DMXL1: variants seen among roughly 807,000 people sequenced by gnomAD.
DMXL1 encodes Dmx like 1, also known as dmX-like protein 1.
A neutral mutation model predicts 319.2 loss-of-function variants in DMXL1; 99 were observed. The ratio of observed to expected loss-of-function variants is 0.31; its 90% CI spans 0.26 to 0.37. The LOEUF is 0.37. Ranked by LOEUF, DMXL1 falls within the 10% of genes least tolerant of loss-of-function variation. The probability of loss-of-function intolerance (pLI) is 1.00; values close to 1 mark genes in which losing one functional copy is unlikely to be tolerated. For synonymous variants in DMXL1, 1,385 were observed against 1,235.2 expected (o/e 1.12, Z -2.54); for missense variants, 3,745 against 3,595.6 (o/e 1.04, Z -1.06).
intron 37 of DMXL1, among the ~76,000 whole-genome samples, chr5:119,223,474 G>A (rs1784998778): frequency 1.3e-5 from 2 of 152,168 alleles, no homozygotes; most frequent in Admixed American, 1.3e-4. Flanking sequence ...TAGGTGTTCA[G>A]AAAAATGTGT....
intron 25 of DMXL1, among the ~76,000 whole-genome samples, chr5:119,173,645 A>C (rs1348017430): frequency 6.7e-6 from 1 of 148,476 alleles, no homozygotes; most frequent in African/African-American, 2.5e-5. Flanking sequence ...GTCTGGATTC[A>C]CCAAAGAAAC....
At chr5:119,239,416 C>T (rs901625881) in intron 41 of DMXL1, among the ~76,000 whole-genome samples, 4 of 152,134 alleles carry the variant, frequency 2.6e-5, no homozygotes, top group African/African-American at 9.7e-5. Context: ...ACTATAGATT[C>T]TTCAGCTCGT....
At chr5:119,227,477 G>C (rs1785805136) in intron 38 of DMXL1, among the ~76,000 whole-genome samples, 1 of 152,104 alleles carries the variant, frequency 6.6e-6, no homozygotes, top group Admixed American at 6.6e-5. Flanking sequence ...CTATAGATTT[G>C]GGTTGATTGC....
chr5:119,210,816 A>G (rs1301751803), intron 34 of DMXL1, among the ~76,000 whole-genome samples: 1 of 118,678 alleles, frequency 8.4e-6, no homozygotes, highest in Non-Finnish European at 1.6e-5. Context: ...TCCAATGTTG[A>G]ATAGAAGTGA....
At chr5:119,122,181 G>A (rs1266451805) in intron 9 of DMXL1, among the ~76,000 whole-genome samples, 28 of 134,202 alleles carry the variant, frequency 2.1e-4, no homozygotes, top group African/African-American at 7.9e-4. Flanking sequence ...TGGCCGGGCA[G>A]AGTGGCTCCT....
intron 10 of DMXL1, chr5:119,132,657 A>G (rs1765181689): frequency 2.5e-6 from 1 of 404,310 alleles, no homozygotes; most frequent in African/African-American, 2.1e-5. Flanking sequence ...AGCTGGGGCA[A>G]GAGTAAGACT....
intron 8 of DMXL1, among the ~76,000 whole-genome samples, chr5:119,119,948 C>A (rs1004344318): frequency 1.3e-5 from 2 of 151,418 alleles, no homozygotes; most frequent in Admixed American, 1.3e-4. Context: ...TGGGGCGATA[C>A]CAGCTCACTG....
At chr5:119,119,077 A>G in intron 8 of DMXL1, 73 bp downstream of exon 8, 4 of 976,506 alleles carry the variant, frequency 4.1e-6, no homozygotes, top group Non-Finnish European at 5.8e-6. Flanking sequence ...GTAACACAGT[A>G]ATGTTATAAA....
At chr5:119,090,819 C>A (rs1454351545) in intron 1 of DMXL1, among the ~76,000 whole-genome samples, 1 of 151,880 alleles carries the variant, frequency 6.6e-6, no homozygotes, top group Non-Finnish European at 1.5e-5. Flanking sequence ...CCCGCCTTGG[C>A]CTCCCAAAGT....
At chr5:119,243,606 T>A (rs532597344) in intron 42 of DMXL1, among the ~76,000 whole-genome samples, 35 of 152,316 alleles carry the variant, frequency 2.3e-4, no homozygotes, top group African/African-American at 8.4e-4. Flanking sequence ...ATGAATCTTT[T>A]ATTTTACAAG....
chr5:119,132,311 C>T (rs116459102), intron 10 of DMXL1, among the ~76,000 whole-genome samples: 1,754 of 152,250 alleles, frequency 0.012, 32 homozygotes, highest in South Asian at 0.091. Flanking sequence ...GTATTATTGT[C>T]ATCTATAGAT....
In DMXL1 at chr5:119,220,942, C is replaced by T; in HGVS notation, c.8138C>T (p.Ser2713Leu). 1 of 1,612,636 alleles carries T rather than the reference C, an allele frequency of 6.2e-7. No homozygotes were observed. Among genetic ancestry groups the T allele is most frequent in the South Asian group, 1.1e-5 (1 of 90,892 alleles). The change falls in exon 37 of 44, where the codon TCA becomes TTA. Residue 2713 changes from serine to leucine, a missense_variant and splice_region_variant. By Grantham distance (145) the Ser-to-Leu change is moderately radical. This residue lies in a region of DMXL1 where 1,382 missense variants were observed against 1,269.5 expected (regional missense o/e 1.09). Transcript: ENST00000539542. The part of the protein sequence containing the change: ...DDDIEVETKG[S>L]EDFLVIHARD... The stretch of plus-strand genomic sequence containing the variant: ...TTCTGGTTGACATTCCTTTATAGAT[C>T]AGAAGATTTCTTGGTTATACATGCT...
chr5:119,177,573 A>G, intron 27 of DMXL1, 89 bp downstream of exon 27: 1 of 1,127,974 alleles, frequency 8.9e-7, no homozygotes, highest in Non-Finnish European at 1.2e-6. Flanking sequence ...CCACATGATA[A>G]TCATTGTTAA....
chr5:119,131,770 T>G (rs1764949014), intron 10 of DMXL1, among the ~76,000 whole-genome samples: 3 of 152,228 alleles, frequency 2.0e-5, no homozygotes. Flanking sequence ...GATTACTCAG[T>G]GAACTTCAGT....
At chr5:119,221,365 C>A (rs937242848) in intron 37 of DMXL1, among the ~76,000 whole-genome samples, 2 of 151,932 alleles carry the variant, frequency 1.3e-5, no homozygotes, top group African/African-American at 4.8e-5. Flanking sequence ...AAGGTGTTCC[C>A]CATAGATCAA....
intron 2 of DMXL1, among the ~76,000 whole-genome samples, chr5:119,098,449 ATT>A (rs142373739): frequency 0.015 from 2,292 of 148,214 alleles, 24 homozygotes; most frequent in African/African-American, 0.028. Flanking sequence ...GATTTAGAAT[ATT>A]TTTTTTTTTT....
chr5:119,106,590 C>G (rs1023034611), intron 4 of DMXL1, among the ~76,000 whole-genome samples: 1 of 152,012 alleles, frequency 6.6e-6, no homozygotes, highest in South Asian at 2.1e-4. Flanking sequence ...GAATTTAATT[C>G]TTTATGGTTG....
At chr5:119,074,034 T>G (rs1750258031) in intron 1 of DMXL1, among the ~76,000 whole-genome samples, 1 of 151,772 alleles carries the variant, frequency 6.6e-6, no homozygotes, top group South Asian at 2.1e-4. Context: ...TTCTCCTGCC[T>G]CAGCCTCCTG....
intron 1 of DMXL1, among the ~76,000 whole-genome samples, chr5:119,097,221 G>C (rs1279619278): frequency 6.6e-6 from 1 of 152,226 alleles, no homozygotes; most frequent in Admixed American, 6.5e-5. Flanking sequence ...CCATGGTAAG[G>C]TGTTGAGATT....
Sources: allele counts gnomAD v4.1 joint callset (sites outside exome capture counted in the v4.1 genomes callset), GRCh38; gene constraint gnomAD v4.1.1; regional missense constraint gnomAD v4.1.1; transcripts MANE v1.5; gene names NCBI Gene and HGNC (gene_info 2026-07-23, HGNC 2026-07-21).